The following CMBL variants were observed in gnomAD, a reference collection of about 807,000 sequenced individuals.
CMBL encodes carboxymethylenebutenolidase homolog.
CMBL carries 17 observed loss-of-function variants against 28.7 expected under a neutral mutation model. That is an observed-to-expected ratio of 0.59 (90% CI 0.41 to 0.89). CMBL has a LOEUF of 0.89. Among genes scored for constraint, CMBL ranks in the 40% least tolerant of loss-of-function variants. CMBL has a pLI of 0.00. For synonymous variants in CMBL, 106 were observed against 101.6 expected (o/e 1.04, Z -0.26); for missense variants, 310 against 298.5 (o/e 1.04, Z -0.28).
chr5:10,291,582 A>G (rs1409385535), intron 1 of CMBL, among the ~76,000 whole-genome samples: 1 of 151,580 alleles, frequency 6.6e-6, no homozygotes, highest in Non-Finnish European at 1.5e-5. Context: ...AATGGCGTGA[A>G]CCCGGGAGGC....
intron 1 of CMBL, among the ~76,000 whole-genome samples, chr5:10,304,984 A>C (rs1746971047): frequency 6.6e-6 from 1 of 152,156 alleles, no homozygotes; most frequent in Non-Finnish European, 1.5e-5. Flanking sequence ...GAGGTCCTTT[A>C]TTGTGAGTAA....
rs760306446 is a variant in CMBL at position 10,290,688 on chromosome 5, A to G, written c.75T>C (p.Val25=). 4 of 1,614,088 alleles carry G rather than the reference A, an allele frequency of 2.5e-6. No homozygotes were observed. The East Asian group carries it at 8.9e-5, about 36-fold the overall frequency. The change falls in exon 2 of 6, where the codon GTT becomes GTC. Residue 25 remains valine, a synonymous_variant. Coordinates refer to ENST00000296658, the MANE Select transcript of CMBL (RefSeq NM_138809.4). ...RLEYGGLGRE[V]QVEHIKAYVT... ...CATAAGCCTTGATGTGCTCGACTTG[A>G]ACTTCACGGCCTAGCCCTCCATACT...
chr5:10,305,110 G>A (rs1207472109), intron 1 of CMBL, among the ~76,000 whole-genome samples: 1 of 152,120 alleles, frequency 6.6e-6, no homozygotes, highest in East Asian at 1.9e-4. Context: ...AGATGTGTTT[G>A]GGGCCACCTT....
chr5:10,307,074 G>A (rs1747011941), intron 1 of CMBL: 1 of 152,144 alleles, frequency 6.6e-6, no homozygotes, highest in Admixed American at 6.6e-5. Context: ...GTCGTTCCTG[G>A]CACACCTACC....
chr5:10,299,287 C>T (rs1288364441), intron 1 of CMBL, among the ~76,000 whole-genome samples: 1 of 151,948 alleles, frequency 6.6e-6, no homozygotes, highest in Admixed American at 6.6e-5. Context: ...AAAAAGTACA[C>T]CTGAATGGCC....
In CMBL at chr5:10,278,847, T is replaced by G. The variant is rs1579467612; in HGVS notation, c.*1606A>C. ...CATGTGCCAGGATAAACAAGCTTCC[T>G]GCGAGAGGGACACCTGGCCACAGGT... On this transcript the variant is annotated 3_prime_UTR_variant, in exon 6 of 6. Coordinates refer to ENST00000296658, the MANE Select transcript of CMBL (RefSeq NM_138809.4). Among the ~76,000 whole-genome samples the G allele has an allele frequency of 6.6e-6, 1 of 152,106 alleles. No individual in the cohort carries two copies. The highest frequency in any genetic ancestry group is 3.4e-3 in the Middle Eastern group (1 of 294).
chr5:10,294,797 G>C (rs749179702), intron 1 of CMBL, among the ~76,000 whole-genome samples: 3 of 152,214 alleles, frequency 2.0e-5, no homozygotes, highest in Non-Finnish European at 4.4e-5. Context: ...TCAGACAAAA[G>C]GAGGAGTCCG....
chr5:10,292,194 G>C (rs1316170743), intron 1 of CMBL: 1 of 147,548 alleles, frequency 6.8e-6, no homozygotes, highest in Admixed American at 6.7e-5. Context: ...AGCTGAGACA[G>C]ATTCTCAACT....
At chr5:10,296,481 A>T (rs1746812051) in intron 1 of CMBL, among the ~76,000 whole-genome samples, 1 of 152,168 alleles carries the variant, frequency 6.6e-6, no homozygotes, top group Non-Finnish European at 1.5e-5. Flanking sequence ...GGTTTTCACC[A>T]TGTTGGCCAG....
At chr5:10,301,249 G>A (rs1746892762) in intron 1 of CMBL, among the ~76,000 whole-genome samples, 1 of 152,106 alleles carries the variant, frequency 6.6e-6, no homozygotes, top group Non-Finnish European at 1.5e-5. Context: ...TATTCTTAGT[G>A]TTTCATAATT....
At chr5:10,306,193 T>C (rs1299033106) in intron 1 of CMBL, among the ~76,000 whole-genome samples, 1 of 152,132 alleles carries the variant, frequency 6.6e-6, no homozygotes, top group Non-Finnish European at 1.5e-5. Flanking sequence ...TTTCACGCCC[T>C]AAGGATTCAA....
At chr5:10,299,923 A>G (rs947720240) in intron 1 of CMBL, among the ~76,000 whole-genome samples, 1 of 152,246 alleles carries the variant, frequency 6.6e-6, no homozygotes, top group Admixed American at 6.5e-5. Flanking sequence ...CACCACTAAT[A>G]TGATGACAAC....
chr5:10,281,884 G>T (rs879845886), intron 5 of CMBL, among the ~76,000 whole-genome samples: 5 of 139,932 alleles, frequency 3.6e-5, no homozygotes, highest in Non-Finnish European at 7.4e-5. Flanking sequence ...ATGAGGCCAG[G>T]CGTGGTGGCT....
At chr5:10,292,584 G>A (rs879641076) in intron 1 of CMBL, among the ~76,000 whole-genome samples, 8 of 152,182 alleles carry the variant, frequency 5.3e-5, no homozygotes, top group South Asian at 2.1e-4. Context: ...CAGCACTTTG[G>A]GAGGCCAAGG....
At chr5:10,288,139 C>T (rs368202447) in intron 3 of CMBL, among the ~76,000 whole-genome samples, 364 of 152,052 alleles carry the variant, frequency 2.4e-3, no homozygotes, top group Non-Finnish European at 3.7e-3. Flanking sequence ...TGGTGGCAGG[C>T]GCCTGTAATC....
At chr5:10,301,358 G>A (rs186905132) in intron 1 of CMBL, among the ~76,000 whole-genome samples, 63 of 152,178 alleles carry the variant, frequency 4.1e-4, no homozygotes, top group African/African-American at 1.4e-3. Context: ...GTTTTCATAA[G>A]CTACATTATA....
rs1200846215 is a variant in CMBL, at chr5:10,299,390, G to A, written c.-20+8235C>T. 2.0e-5 allele frequency among the ~76,000 whole-genome samples: 3 copies of A among 152,150 alleles called. No homozygotes were observed. In the East Asian group the frequency reaches 5.8e-4, roughly 29 times the overall value. On this transcript the variant is annotated intron_variant, in intron 1 of 5. Coordinates refer to ENST00000296658, the MANE Select transcript of CMBL (RefSeq NM_138809.4). ...ATACTATTTTCCATCTTGCAGATTG[G>A]CAAAAGTCTGTTAACACAGAGATGA...
At chr5:10,300,563 G>A (rs1388475048) in intron 1 of CMBL, among the ~76,000 whole-genome samples, 1 of 152,166 alleles carries the variant, frequency 6.6e-6, no homozygotes, top group Non-Finnish European at 1.5e-5. Context: ...ACTTTGAGAG[G>A]TCGAGGCATG....
chr5:10,291,491 T>A (rs1746715973), intron 1 of CMBL, among the ~76,000 whole-genome samples: 1 of 151,508 alleles, frequency 6.6e-6, no homozygotes, highest in East Asian at 1.9e-4. Flanking sequence ...TGAAACCCCG[T>A]CTCTACTAAA....
Sources: allele counts gnomAD v4.1 joint callset (sites outside exome capture counted in the v4.1 genomes callset), GRCh38; gene constraint gnomAD v4.1.1; transcripts MANE v1.5; gene names NCBI Gene and HGNC (gene_info 2026-07-23, HGNC 2026-07-21).